Variants in ARHGAP12 observed in about 807,000 individuals in gnomAD.
ARHGAP12 encodes the protein Rho GTPase activating protein 12, also known as rho GTPase-activating protein 12.
ARHGAP12 carries 64 observed loss-of-function variants against 108.6 expected under a neutral mutation model. The observed-to-expected ratio is 0.59, with a 90% CI of 0.48 to 0.73. The LOEUF (loss-of-function observed/expected upper bound fraction) is 0.73, where lower values mean the gene tolerates loss of function less well. Among genes scored for constraint, ARHGAP12 ranks in the 30% least tolerant of loss-of-function variants. The probability of loss-of-function intolerance (pLI) is 0.00; values close to 1 mark genes in which losing one functional copy is unlikely to be tolerated. For missense variants in ARHGAP12, 940 were observed against 1,005.9 expected, an observed-to-expected ratio of 0.93 and a Z score of 0.89; for synonymous variants, 312 against 337.2, an observed-to-expected ratio of 0.93 and a Z score of 0.82.
At chr10:31,840,356 T>G (rs965429248) in intron 7 of ARHGAP12, among the ~76,000 whole-genome samples, 3 of 98,034 alleles carry the variant, frequency 3.1e-5, no homozygotes, top group South Asian at 3.5e-4. Flanking sequence ...CAATAACGTG[T>G]TTTTTTTTTA....
chr10:31,887,604 A>C (rs947868026), intron 3 of ARHGAP12, among the ~76,000 whole-genome samples: 3 of 151,958 alleles, frequency 2.0e-5, no homozygotes, highest in Non-Finnish European at 4.4e-5. Flanking sequence ...AGAGACAAAG[A>C]CATGCACAAA....
intron 1 of ARHGAP12, among the ~76,000 whole-genome samples, chr10:31,920,495 G>A (rs920479529): frequency 5.1e-5 from 7 of 137,998 alleles, no homozygotes; most frequent in East Asian, 2.0e-4. Flanking sequence ...TAGCACTTAC[G>A]CAGCATACAA....
chr10:31,924,095 T>C (rs1203939829), intron 1 of ARHGAP12, among the ~76,000 whole-genome samples: 1 of 152,246 alleles, frequency 6.6e-6, no homozygotes, highest in Non-Finnish European at 1.5e-5. Context: ...ATTCTCTTCA[T>C]TGCTGGTGGA....
chr10:31,870,301 C>A (rs1837492329), intron 3 of ARHGAP12, among the ~76,000 whole-genome samples: 1 of 150,752 alleles, frequency 6.6e-6, no homozygotes, highest in South Asian at 2.1e-4. Flanking sequence ...GCCATCTCAG[C>A]TCACTGCAAC....
intron 1 of ARHGAP12, among the ~76,000 whole-genome samples, chr10:31,919,424 A>T (rs1261124298): frequency 6.6e-6 from 1 of 152,246 alleles, no homozygotes; most frequent in Non-Finnish European, 1.5e-5. Flanking sequence ...ATACAATTTA[A>T]ATCACCTTAT....
intron 3 of ARHGAP12, among the ~76,000 whole-genome samples, chr10:31,883,069 G>A (rs951850268): frequency 6.6e-6 from 1 of 152,112 alleles, no homozygotes; most frequent in African/African-American, 2.4e-5. Context: ...GCCGAGGCAG[G>A]TGGATTATCT....
chr10:31,868,024 AC>A (rs1837395020), intron 3 of ARHGAP12, among the ~76,000 whole-genome samples: 1 of 152,024 alleles, frequency 6.6e-6, no homozygotes, highest in Non-Finnish European at 1.5e-5. Context: ...ACATGGCGAA[AC>A]CCCATCTCTA....
intron 1 of ARHGAP12, among the ~76,000 whole-genome samples, chr10:31,918,547 A>T (rs1421422059): frequency 6.6e-6 from 1 of 152,148 alleles, no homozygotes; most frequent in African/African-American, 2.4e-5. Flanking sequence ...TACAAACAAA[A>T]ATTTAAAAAA....
intron 3 of ARHGAP12, among the ~76,000 whole-genome samples, chr10:31,872,899 CCCAGA>C (rs1837595012): frequency 6.6e-6 from 1 of 152,098 alleles, no homozygotes; most frequent in South Asian, 2.1e-4. Flanking sequence ...CCATTTTCCT[CCCAGA>C]CCTTCAAATC....
At chr10:31,853,548 A>G (rs1002866916) in intron 5 of ARHGAP12, among the ~76,000 whole-genome samples, 5 of 152,236 alleles carry the variant, frequency 3.3e-5, no homozygotes, top group African/African-American at 9.6e-5. Context: ...ATTCCCAAGC[A>G]TATCTTCTCT....
intron 19 of ARHGAP12, 105 bp downstream of exon 19, chr10:31,808,544 T>C: frequency 1.1e-6 from 1 of 913,226 alleles, no homozygotes; most frequent in South Asian, 1.6e-5. Context: ...AGACAGCAAG[T>C]AGCATAGCTG....
rs776998948 is a variant in ARHGAP12, at chr10:31,814,363, T to C, written c.1732-2A>G. On this transcript the variant is annotated splice_acceptor_variant, in intron 13 of 19. Transcript: ENST00000344936. LOFTEE classifies it high-confidence loss of function. ...AATTCCTTCATCAGTTTCTACTGCC[T>C]ATTGGTTAGATATTTCCCAAACACA... 1.2e-6 allele frequency: 2 copies of C among 1,605,154 alleles called. No individual in the cohort carries two copies. The highest frequency in any genetic ancestry group is 1.7e-6 in the Non-Finnish European group (2 of 1,171,932).
intron 3 of ARHGAP12, among the ~76,000 whole-genome samples, chr10:31,873,965 C>T (rs1433122964): frequency 6.6e-6 from 1 of 152,154 alleles, no homozygotes; most frequent in Non-Finnish European, 1.5e-5. Context: ...TATAAATCTC[C>T]CTCCCTGGGG....
chr10:31,904,696 G>A (rs548824981), intron 3 of ARHGAP12, among the ~76,000 whole-genome samples: 85 of 152,166 alleles, frequency 5.6e-4, no homozygotes, highest in South Asian at 2.5e-3. Context: ...GTGCAATCTC[G>A]GGTCACTGCA....
At chr10:31,852,463 G>T in intron 6 of ARHGAP12, 54 bp downstream of exon 6, 1 of 1,290,548 alleles carries the variant, frequency 7.7e-7, no homozygotes, top group African/African-American at 1.5e-5. Flanking sequence ...ACCATCTCCA[G>T]ATATTACTTC....
rs749469657 is a variant in ARHGAP12, at chr10:31,908,240, A to T, written c.616T>A (p.Ser206Thr). The change falls in exon 3 of 20, where the codon TCT (serine) becomes ACT (threonine). Residue 206 changes from serine (S) to threonine (T), a missense_variant. Transcript: ENST00000344936. The part of the protein sequence containing the change: ...EQSCDSAGEG[S>T]ERIHQDSESG... ...TCAGAATCTTGATGTATTCTTTCAGAGCCTTCTCCTGCGGAATCACAAGAT... is the reference window on the plus strand; with the variant it reads ...TCAGAATCTTGATGTATTCTTTCAGTGCCTTCTCCTGCGGAATCACAAGAT... 2 of 1,613,806 alleles carry T rather than the reference A, an allele frequency of 1.2e-6. No homozygotes were observed. The highest frequency in any genetic ancestry group is 2.7e-5 in the African/African-American group (2 of 74,916).
At chr10:31,835,192 C>T (rs34754365) in intron 9 of ARHGAP12, among the ~76,000 whole-genome samples, 16,440 of 146,122 alleles carry the variant, frequency 0.11, 1,193 homozygotes, top group Non-Finnish European at 0.17. Flanking sequence ...AGCGAGACTC[C>T]GTCTCAAAAG....
intron 13 of ARHGAP12, 123 bp from the exon 14 acceptor site, chr10:31,814,484 T>C: frequency 1.3e-6 from 1 of 741,936 alleles, no homozygotes; most frequent in Non-Finnish European, 2.3e-6. Context: ...AACCAATTAG[T>C]ATACAGTATG....
intron 4 of ARHGAP12, among the ~76,000 whole-genome samples, chr10:31,860,490 C>T (rs1370539809): frequency 6.6e-6 from 1 of 152,304 alleles, no homozygotes; most frequent in Admixed American, 6.5e-5. Context: ...CAATTTACTG[C>T]ACCATCCTGC....
Sources: allele counts gnomAD v4.1 joint callset (sites outside exome capture counted in the v4.1 genomes callset), GRCh38; gene constraint gnomAD v4.1.1; transcripts MANE v1.5; gene names NCBI Gene and HGNC (gene_info 2026-07-23, HGNC 2026-07-21).